SGCD: variants seen among roughly 807,000 people sequenced by gnomAD.
SGCD encodes the protein delta-sarcoglycan.
SGCD carries 18 observed loss-of-function variants against 36.6 expected under a neutral mutation model. That is an observed-to-expected ratio of 0.49 (90% CI 0.34 to 0.73). SGCD has a LOEUF of 0.73. SGCD is among the 30% of genes least tolerant of loss of function. The pLI is 0.01. For missense variants in SGCD, 387 were observed against 346.7 expected (o/e 1.12, Z -0.92); for synonymous variants, 133 against 130.6 (o/e 1.02, Z -0.12).
chr5:156,131,521 C>T (rs1255934103), intron 3 of SGCD, among the ~76,000 whole-genome samples: 7 of 152,168 alleles, frequency 4.6e-5, no homozygotes, highest in African/African-American at 1.7e-4. Context: ...CATTCCTAAG[C>T]CAGAGAATAA....
At chr5:155,936,750 C>T (rs921682876) in intron 1 of SGCD, among the ~76,000 whole-genome samples, 2 of 152,200 alleles carry the variant, frequency 1.3e-5, no homozygotes, top group East Asian at 3.9e-4. Context: ...CCCCTTTTAC[C>T]CAGGAGCCTG....
At chr5:155,743,033 T>G in the SGCD span, among the ~76,000 whole-genome samples, 2 of 152,196 alleles carry the variant, frequency 1.3e-5, no homozygotes, top group African/African-American at 4.8e-5. Context: ...TCTCTAGGTG[T>G]ACCATCCTCC....
the SGCD span, among the ~76,000 whole-genome samples, chr5:155,753,547 A>AT: frequency 2.1e-3 from 315 of 151,288 alleles, 1 homozygote; most frequent in African/African-American, 6.8e-3. Context: ...TTGCAAACAC[A>AT]TTTTTTTTTC....
intron 4 of SGCD, among the ~76,000 whole-genome samples, chr5:156,510,670 A>G (rs1756889073): frequency 6.6e-6 from 1 of 152,194 alleles, no homozygotes; most frequent in South Asian, 2.1e-4. Flanking sequence ...GAGTCATACA[A>G]AAATAGGCCA....
chr5:156,360,029 G>A (rs887157311), intron 3 of SGCD, among the ~76,000 whole-genome samples: 3 of 152,138 alleles, frequency 2.0e-5, no homozygotes, highest in Non-Finnish European at 2.9e-5. Context: ...ATCCCATAGT[G>A]CAAAGTGATA....
At chr5:156,380,943 CAG>C (rs1421214147) in intron 3 of SGCD, among the ~76,000 whole-genome samples, 1 of 152,126 alleles carries the variant, frequency 6.6e-6, no homozygotes, top group East Asian at 1.9e-4. Context: ...GTGGTAGCAT[CAG>C]AGTTTGAGAC....
intron 1 of SGCD, among the ~76,000 whole-genome samples, chr5:155,893,416 A>G (rs1024516926): frequency 3.3e-5 from 5 of 152,232 alleles, no homozygotes; most frequent in African/African-American, 1.2e-4. Flanking sequence ...TAAAGAAAAA[A>G]CATTCAACCT....
intron 6 of SGCD, among the ~76,000 whole-genome samples, chr5:156,609,310 G>C (rs1377942450): frequency 2.0e-5 from 3 of 152,068 alleles, no homozygotes; most frequent in African/African-American, 7.3e-5. Flanking sequence ...ATGAAGCTTA[G>C]TTTGGCTGGA....
chr5:156,142,200 T>C (rs1161108263), intron 3 of SGCD, among the ~76,000 whole-genome samples: 1 of 152,232 alleles, frequency 6.6e-6, no homozygotes, highest in Non-Finnish European at 1.5e-5. Context: ...CCCCCTTTGC[T>C]TTCTGCCATA....
At chr5:156,250,406 G>A (rs1765545103) in intron 3 of SGCD, among the ~76,000 whole-genome samples, 1 of 152,158 alleles carries the variant, frequency 6.6e-6, no homozygotes, top group Non-Finnish European at 1.5e-5. Flanking sequence ...AGAATTCAGT[G>A]TTTAAAACTC....
chr5:156,642,461 CTT>C (rs58501471), intron 6 of SGCD, among the ~76,000 whole-genome samples: 7,067 of 79,674 alleles, frequency 0.089, 187 homozygotes, highest in Non-Finnish European at 0.12. Flanking sequence ...CAGCATCAGT[CTT>C]TTTTTTTTTT....
chr5:155,819,680 G>A, the SGCD span, among the ~76,000 whole-genome samples: 28 of 152,278 alleles, frequency 1.8e-4, no homozygotes, highest in Admixed American at 1.2e-3. Context: ...CAGGAAGTCC[G>A]ACTGAGCATC....
intron 1 of SGCD, among the ~76,000 whole-genome samples, chr5:155,965,591 AC>A (rs1311352462): frequency 2.6e-5 from 4 of 152,120 alleles, no homozygotes; most frequent in African/African-American, 4.8e-5. Flanking sequence ...GGGCAAACTC[AC>A]ATCTGTGCCT....
chr5:156,532,058 C>T (rs573785003), intron 4 of SGCD, among the ~76,000 whole-genome samples: 2 of 151,904 alleles, frequency 1.3e-5, no homozygotes, highest in Non-Finnish European at 2.9e-5. Flanking sequence ...TGCAGGGAGC[C>T]GAGACTGAGC....
At chr5:155,897,738 A>G (rs1186107433) in intron 1 of SGCD, among the ~76,000 whole-genome samples, 1 of 152,138 alleles carries the variant, frequency 6.6e-6, no homozygotes, top group Non-Finnish European at 1.5e-5. Flanking sequence ...GTATTGGCCT[A>G]CACAGGATCA....
intron 1 of SGCD, among the ~76,000 whole-genome samples, chr5:156,027,357 G>A (rs1387614772): frequency 6.6e-6 from 1 of 152,158 alleles, no homozygotes. Flanking sequence ...GTTTAAAAGT[G>A]AATTTTGAAT....
At chr5:155,797,379 C>T in the SGCD span, among the ~76,000 whole-genome samples, 19 of 152,136 alleles carry the variant, frequency 1.2e-4, no homozygotes, top group Non-Finnish European at 2.8e-4. Flanking sequence ...TTTGCTAAGG[C>T]TGAGAACCTA....
At chr5:156,106,928 G>T (rs892734600) in intron 1 of SGCD, among the ~76,000 whole-genome samples, 14 of 152,150 alleles carry the variant, frequency 9.2e-5, no homozygotes, top group Non-Finnish European at 1.8e-4. Flanking sequence ...ACCCTGGAAA[G>T]AATTGTTAAC....
chr5:156,752,541 T>A (rs1386344006), intron 7 of SGCD, among the ~76,000 whole-genome samples: 1 of 152,074 alleles, frequency 6.6e-6, no homozygotes, highest in East Asian at 1.9e-4. Flanking sequence ...TACAGGCACC[T>A]GCCACCACAC....
Sources: allele counts gnomAD v4.1 joint callset (sites outside exome capture counted in the v4.1 genomes callset), GRCh38; gene constraint gnomAD v4.1.1; transcripts MANE v1.5; gene names NCBI Gene and HGNC (gene_info 2026-07-23, HGNC 2026-07-21).